Variants in CCDC18 observed in about 807,000 individuals in gnomAD.
CCDC18 encodes coiled-coil domain containing 18, also known as coiled-coil domain-containing protein 18.
A neutral mutation model predicts 196.0 loss-of-function variants in CCDC18; 157 were observed. The ratio of observed to expected loss-of-function variants is 0.80; its 90% CI spans 0.70 to 0.91. CCDC18 has a LOEUF of 0.91. CCDC18 is among the 40% of genes least tolerant of loss of function. The probability of loss-of-function intolerance (pLI) is 0.00; values close to 1 mark genes in which losing one functional copy is unlikely to be tolerated. For synonymous variants in CCDC18, 482 were observed against 529.2 expected (o/e 0.91, Z 1.22); for missense variants, 1,465 against 1,611.6 (o/e 0.91, Z 1.56).
At chr1:93,192,244 C>T in intron 5 of CCDC18, 138 bp downstream of exon 5, 2 of 634,724 alleles carry the variant, frequency 3.2e-6, no homozygotes, top group Non-Finnish European at 5.5e-6. Context: ...CTTGTTGAAT[C>T]TATTTTTAGT....
At chr1:93,205,383 G>C (rs1430374178) in intron 7 of CCDC18, 127 bp from the exon 8 acceptor site, 1 of 734,360 alleles carries the variant, frequency 1.4e-6, no homozygotes, top group African/African-American at 1.8e-5. Flanking sequence ...ACAAGGCTGG[G>C]GACTTAAATG....
At position 93,270,275 on chromosome 1, in the gene CCDC18, A is replaced by T. The variant is rs1296613647; in HGVS notation, c.3886-72A>T. On this transcript the variant is annotated intron_variant, in intron 27 of 28. Coordinates refer to ENST00000690025, the MANE Select transcript of CCDC18 (RefSeq NM_001378204.1). ...ACAAAGGTTGACTTTCTAAAAGTCT[A>T]TGATTTTCTAAGGAGTTCATTCATT... 4.9e-6 allele frequency: 4 copies of T among 821,668 alleles called. No individual in the cohort carries two copies. The African/African-American group carries it at 6.9e-5, about 14-fold the overall frequency. The allele number at this position is 821,668 out of a possible 1,614,324, so 50.9% of individuals were successfully genotyped here.
At chr1:93,271,244 G>A in intron 28 of CCDC18, 1 of 985,314 alleles carries the variant, frequency 1.0e-6, no homozygotes. Context: ...GGCTATCACT[G>A]ATCCTTGGAA....
chr1:93,276,436 A>G (rs1255721965), intron 28 of CCDC18, among the ~76,000 whole-genome samples: 1 of 152,212 alleles, frequency 6.6e-6, no homozygotes, highest in African/African-American at 2.4e-5. Context: ...AAGTGTTGTG[A>G]ATACTGATTA....
chr1:93,258,779 T>TG lies in CCDC18; in HGVS notation c.3583dup (p.Ala1195GlyfsTer3), dbSNP rs751210598. 6.3e-7 allele frequency: 1 copy of TG among 1,579,774 alleles called. No individual in the cohort carries two copies. The highest frequency in any genetic ancestry group is 1.4e-5 in the African/African-American group (1 of 73,146). ...CATGGAAACCATTTAGCTGAAGAACTGGGGGCTTCTAAAGTACGTGAAGCT... is the reference window on the plus strand; with the variant it reads ...CATGGAAACCATTTAGCTGAAGAACTGGGGGGCTTCTAAAGTACGTGAAGCT... On this transcript the variant is annotated frameshift_variant, in exon 26 of 29. Coordinates refer to ENST00000690025, the MANE Select transcript of CCDC18 (RefSeq NM_001378204.1). LOFTEE classifies it high-confidence loss of function.
chr1:93,236,709 A>G (rs908232707), intron 19 of CCDC18, among the ~76,000 whole-genome samples: 6 of 152,222 alleles, frequency 3.9e-5, no homozygotes, highest in Non-Finnish European at 7.3e-5. Flanking sequence ...TGTGAATAAC[A>G]TTAAAAGTTG....
At chr1:93,253,018 C>T (rs919577822) in intron 23 of CCDC18, among the ~76,000 whole-genome samples, 7 of 152,186 alleles carry the variant, frequency 4.6e-5, no homozygotes, top group African/African-American at 1.7e-4. Context: ...GCATGTTTCC[C>T]AGCAAATCTT....
rs1179948228 is a variant in CCDC18, at chr1:93,213,422, T to C, written c.1495+1161T>C. ...TTAATTTTCTCTCTTTTTTTTTTTT[T>C]CCAAAAAAACCACAAAACTTTTCTT... On this transcript the variant is annotated intron_variant, in intron 11 of 28. Coordinates refer to ENST00000690025, the MANE Select transcript of CCDC18 (RefSeq NM_001378204.1). 1.4e-4 allele frequency among the ~76,000 whole-genome samples: 21 copies of C among 150,150 alleles called. 1 individual carries two copies. The highest frequency in any genetic ancestry group is 6.0e-4 in the Admixed American group (9 of 14,996).
chr1:93,243,590 C>T (rs1021583757), intron 21 of CCDC18, among the ~76,000 whole-genome samples: 2 of 152,196 alleles, frequency 1.3e-5, no homozygotes, highest in Non-Finnish European at 2.9e-5. Context: ...TTGAATTTCT[C>T]CTCAGAAAAT....
intron 14 of CCDC18, among the ~76,000 whole-genome samples, chr1:93,218,284 C>T (rs921022695): frequency 2.6e-5 from 4 of 152,090 alleles, no homozygotes; most frequent in Admixed American, 2.0e-4. Flanking sequence ...GAGAGACATT[C>T]CAAGACCTTC....
At chr1:93,263,872 A>G (rs1664140627) in intron 26 of CCDC18, among the ~76,000 whole-genome samples, 1 of 152,144 alleles carries the variant, frequency 6.6e-6, no homozygotes, top group African/African-American at 2.4e-5. Context: ...TTCCTTATAA[A>G]TTACACAGTC....
chr1:93,278,452 C>A lies in CCDC18; in HGVS notation c.4354-11C>A. 1 of 1,146,738 alleles carries A rather than the reference C, an allele frequency of 8.7e-7. No homozygotes were observed. Among genetic ancestry groups the A allele is most frequent in the Non-Finnish European group, 1.2e-6 (1 of 830,018 alleles). 71.0% of individuals were successfully genotyped at this position (1,146,738 alleles called of 1,614,324 possible). A position where few individuals can be genotyped will look rare whatever the true frequency, so the allele number is the denominator to read the frequency against. ...TTTCAAATATTAATCTATTATTTTGCATTATTCTAGGGAGAAAATGTGTAA... is the reference window on the plus strand; with the variant it reads ...TTTCAAATATTAATCTATTATTTTGAATTATTCTAGGGAGAAAATGTGTAA... On this transcript the variant is annotated splice_polypyrimidine_tract_variant and intron_variant, in intron 28 of 28. Coordinates refer to ENST00000690025, the MANE Select transcript of CCDC18 (RefSeq NM_001378204.1).
In CCDC18 at chr1:93,221,929, C is replaced by A; in HGVS notation, c.2168C>A (p.Thr723Lys). The change falls in exon 16 of 29, where the codon ACA (threonine) becomes AAA (lysine). Residue 723 changes from threonine to lysine, a missense_variant. Physicochemically the swap from Thr to Lys is moderately conservative, Grantham distance 78 (BLOSUM62 -1). Transcript: ENST00000690025. ...KALQNQVSEE[T>K]IKVRQLDSAL... is the part of the protein sequence containing the mutation. The stretch of plus-strand genomic sequence containing the variant: ...TTACAGAACCAAGTATCTGAAGAAA[C>A]AATCAAGGCTAGTATGCTAATACTT... 1.3e-6 allele frequency: 2 copies of A among 1,565,450 alleles called. No homozygotes were observed. Among genetic ancestry groups the A allele is most frequent in the Non-Finnish European group, 1.7e-6 (2 of 1,147,416 alleles).
At chr1:93,265,375 C>G (rs1456501641) in intron 27 of CCDC18, among the ~76,000 whole-genome samples, 2 of 152,110 alleles carry the variant, frequency 1.3e-5, no homozygotes, top group Non-Finnish European at 2.9e-5. Flanking sequence ...CAACAGTGAC[C>G]TTCTTTGAGT....
At chr1:93,252,234 G>A (rs1662360084) in intron 23 of CCDC18, among the ~76,000 whole-genome samples, 2 of 152,032 alleles carry the variant, frequency 1.3e-5, no homozygotes, top group African/African-American at 4.8e-5. Context: ...AAGTGATGGA[G>A]TTTCACTATG....
intron 6 of CCDC18, among the ~76,000 whole-genome samples, chr1:93,200,334 TA>T (rs34770788): frequency 8.6e-4 from 122 of 141,262 alleles, no homozygotes; most frequent in East Asian, 1.8e-3. Flanking sequence ...GGAGATTATT[TA>T]AAAAAAAAAA....
chr1:93,226,604 G>A (rs1471565808), intron 17 of CCDC18, among the ~76,000 whole-genome samples, 155 bp downstream of exon 17: 1 of 151,534 alleles, frequency 6.6e-6, no homozygotes, highest in Non-Finnish European at 1.5e-5. Flanking sequence ...CGCAATCTTG[G>A]CTCACTTGAA....
intron 18 of CCDC18, among the ~76,000 whole-genome samples, chr1:93,232,994 C>T (rs1324152632): frequency 6.6e-6 from 1 of 152,050 alleles, no homozygotes; most frequent in East Asian, 1.9e-4. Context: ...TGCTGTTAAA[C>T]CTCAAGGATT....
intron 27 of CCDC18, among the ~76,000 whole-genome samples, chr1:93,265,677 A>C (rs191499187): frequency 2.1e-4 from 32 of 152,352 alleles, no homozygotes; most frequent in Non-Finnish European, 4.3e-4. Context: ...TAAACCAACA[A>C]AGATCAAAAG....
Sources: allele counts gnomAD v4.1 joint callset (sites outside exome capture counted in the v4.1 genomes callset), GRCh38; gene constraint gnomAD v4.1.1; transcripts MANE v1.5; gene names NCBI Gene and HGNC (gene_info 2026-07-23, HGNC 2026-07-21).